Variants in AMOT observed in about 807,000 individuals in gnomAD.
AMOT encodes angiomotin.
A neutral mutation model predicts 67.0 loss-of-function variants in AMOT; 11 were observed. That is an observed-to-expected ratio of 0.16 (90% CI 0.10 to 0.27). The LOEUF is 0.27. Among genes scored for constraint, AMOT ranks in the 10% least tolerant of loss-of-function variants. AMOT has a pLI of 1.00. For missense variants in AMOT, 753 were observed against 852.0 expected (o/e 0.88, Z 1.45); for synonymous variants, 326 against 321.4 (o/e 1.01, Z -0.15).
chrX:112,782,785 A>C, intron 10 of AMOT, 123 bp from the exon 11 acceptor site: 8 of 924,048 alleles, frequency 8.7e-6, no homozygotes, highest in Non-Finnish European at 8.8e-6. Context: ...CATTTGGAAC[A>C]GATGGTTTCT....
At position 112,779,279 on chromosome X, in the gene AMOT, C is replaced by T. The variant is rs775245818; in HGVS notation, c.2875G>A (p.Val959Ile). ...GCAGCAGCAGCAGCAGAAGGAGCAA[C>T]GGCAGCAGCTGAGGCAACAGAGGCA... Reference protein sequence around the residue: ...AAASVASAAAVAPSAAAAAAV... With the variant: ...AAASVASAAAIAPSAAAAAAV... The change falls in exon 13 of 14, where the codon GTT becomes ATT. Residue 959 changes from valine (V) to isoleucine (I), a missense_variant. Physicochemically the swap from Val to Ile is conservative, Grantham distance 29. This residue lies in a region of AMOT where 269 missense variants were observed against 300.9 expected (regional missense o/e 0.89). Transcript: ENST00000371959. The T allele has an allele frequency of 2.9e-5, 19 of 650,627 alleles. No individual in the cohort carries two copies. Among genetic ancestry groups the T allele is most frequent in the South Asian group, 1.4e-4 (6 of 43,668 alleles). The allele number at this position is 650,627 out of a possible 1,213,427, so 53.6% of individuals were successfully genotyped here. A position where few individuals can be genotyped will look rare whatever the true frequency, so the allele number is the denominator to read the frequency against.
At chrX:112,839,137 T>C (rs1425577364) in intron 1 of AMOT, among the ~76,000 whole-genome samples, 1 of 112,613 alleles carries the variant, frequency 8.9e-6, no homozygotes, top group Non-Finnish European at 1.9e-5. Context: ...ATGTTAATAA[T>C]GTGTTCCCAA....
intron 5 of AMOT, among the ~76,000 whole-genome samples, chrX:112,811,757 C>G (rs943881452): frequency 1.8e-5 from 2 of 111,029 alleles, no homozygotes; most frequent in African/African-American, 3.3e-5. Context: ...GTAGATATTC[C>G]AAAGCATTCA....
At chrX:112,790,290 A>C (rs1461314501) in intron 10 of AMOT, among the ~76,000 whole-genome samples, 1 of 109,474 alleles carries the variant, frequency 9.1e-6, no homozygotes, top group Non-Finnish European at 1.9e-5. Context: ...GGCTGAAAGA[A>C]TCTGTGGCTC....
intron 8 of AMOT, among the ~76,000 whole-genome samples, chrX:112,792,610 C>A (rs749441982): frequency 9.0e-6 from 1 of 111,656 alleles, no homozygotes; most frequent in Admixed American, 9.5e-5. Flanking sequence ...AAAGTAAAGG[C>A]GTCACGTGAT....
chrX:112,781,773 A>G (rs1046384839), intron 11 of AMOT, among the ~76,000 whole-genome samples: 2 of 111,910 alleles, frequency 1.8e-5, no homozygotes, highest in African/African-American at 6.5e-5. Flanking sequence ...AATGGAAACA[A>G]TTTACTCAGT....
chrX:112,839,971 A>T (rs1935248238), intron 1 of AMOT, among the ~76,000 whole-genome samples: 2 of 111,661 alleles, frequency 1.8e-5, no homozygotes, highest in Non-Finnish European at 3.8e-5. Flanking sequence ...TAGATTACAC[A>T]GACTTTAAAA....
chrX:112,809,348 C>T (rs1934282674), intron 7 of AMOT, among the ~76,000 whole-genome samples: 1 of 111,163 alleles, frequency 9.0e-6, no homozygotes, highest in Admixed American at 9.6e-5. Context: ...AAAGGAAACA[C>T]TATTATGAGG....
intron 4 of AMOT, among the ~76,000 whole-genome samples, chrX:112,816,647 T>C (rs1934571193): frequency 8.9e-6 from 1 of 111,937 alleles, no homozygotes; most frequent in Non-Finnish European, 1.9e-5. Flanking sequence ...ACTGGACAGA[T>C]GGGGAATGAG....
At chrX:112,827,025 T>C (rs1045617069) in intron 2 of AMOT, among the ~76,000 whole-genome samples, 2 of 111,792 alleles carry the variant, frequency 1.8e-5, no homozygotes, top group Non-Finnish European at 3.8e-5. Context: ...GCCTGGCTGA[T>C]TTTCATATTT....
chrX:112,816,170 C>T (rs187269841), intron 4 of AMOT, among the ~76,000 whole-genome samples: 3 of 111,936 alleles, frequency 2.7e-5, no homozygotes, highest in African/African-American at 9.7e-5. Context: ...CGTAGTGATA[C>T]ACACCTGTAC....
At chrX:112,836,818 G>A (rs888056616) in intron 1 of AMOT, among the ~76,000 whole-genome samples, 5 of 106,108 alleles carry the variant, frequency 4.7e-5, no homozygotes, top group African/African-American at 1.7e-4. Flanking sequence ...ACTAGATATT[G>A]AGGCCTAGAA....
chrX:112,805,810 G>A (rs924208638), intron 7 of AMOT, among the ~76,000 whole-genome samples: 3 of 112,054 alleles, frequency 2.7e-5, no homozygotes, highest in African/African-American at 6.5e-5. Flanking sequence ...TAGGCTAGGC[G>A]TGGAGGGAAC....
rs1557925 is a variant in AMOT at position 112,817,120 on chromosome X, C to T, written c.873-1243G>A. 7.2e-4 allele frequency among the ~76,000 whole-genome samples: 81 copies of T among 112,109 alleles called. No homozygotes were observed. The East Asian group carries it at 0.018, about 25-fold the overall frequency. On this transcript the variant is annotated intron_variant, in intron 4 of 13. Transcript: ENST00000371959. Reference sequence around the variant, plus strand: ...TTGATATTTCTCAATCCAGGGAAGACAGATGGCTAAGTGCATGGGATCTGG... The same window carrying T: ...TTGATATTTCTCAATCCAGGGAAGATAGATGGCTAAGTGCATGGGATCTGG...
chrX:112,796,378 T>C (rs1038489226), intron 8 of AMOT, among the ~76,000 whole-genome samples: 1 of 112,190 alleles, frequency 8.9e-6, no homozygotes, highest in African/African-American at 3.2e-5. Context: ...CGAGTGTTTG[T>C]GCATAAAATG....
intron 4 of AMOT, among the ~76,000 whole-genome samples, chrX:112,821,387 TG>T (rs1934711707): frequency 9.0e-6 from 1 of 111,551 alleles, no homozygotes; most frequent in African/African-American, 3.3e-5. Flanking sequence ...GAAATACTAC[TG>T]ATCAGAGACA....
intron 3 of AMOT, among the ~76,000 whole-genome samples, chrX:112,823,412 G>A (rs1043014058): frequency 1.8e-5 from 2 of 111,854 alleles, no homozygotes; most frequent in Non-Finnish European, 3.8e-5. Flanking sequence ...TTTAGCATGA[G>A]TTAAATATTC....
intron 7 of AMOT, among the ~76,000 whole-genome samples, chrX:112,807,932 C>T (rs989840006): frequency 1.8e-5 from 2 of 111,880 alleles, no homozygotes; most frequent in African/African-American, 6.5e-5. Flanking sequence ...ATCATTATAA[C>T]TACAGGGGAC....
intron 8 of AMOT, among the ~76,000 whole-genome samples, chrX:112,801,558 C>T (rs1362432195): frequency 1.8e-5 from 2 of 111,844 alleles, no homozygotes; most frequent in South Asian, 3.8e-4. Context: ...AACTTGGGAG[C>T]AAATGGAAGC....
Sources: gnomAD v4.1 joint callset for allele counts (sites outside exome capture counted in the v4.1 genomes callset) on GRCh38, gnomAD v4.1.1 for gene constraint, gnomAD v4.1.1 regional missense constraint, MANE v1.5 for transcripts, NCBI Gene and HGNC (gene_info 2026-07-23, HGNC 2026-07-21) for gene names.